The following RANBP2 variants were observed in gnomAD, a reference collection of about 807,000 sequenced individuals.
RANBP2 encodes RAN binding protein 2, also known as E3 SUMO-protein ligase RanBP2.
In RANBP2, 57 loss-of-function variants were observed where a neutral mutation model predicts 303.6. The observed-to-expected ratio is 0.19, with a 90% CI of 0.15 to 0.23. RANBP2 has a LOEUF of 0.23. Among genes scored for constraint, RANBP2 ranks in the 10% least tolerant of loss-of-function variants. The pLI is 1.00. For synonymous variants in RANBP2, 1,167 were observed against 1,301.5 expected (o/e 0.90, Z 2.23); for missense variants, 3,138 against 3,780.8 (o/e 0.83, Z 4.46).
chr2:109,630,737 A>G, the RANBP2 span, among the ~76,000 whole-genome samples: 1 of 152,186 alleles, frequency 6.6e-6, no homozygotes, highest in South Asian at 2.1e-4. Context: ...TTGTGGAGGT[A>G]ATGTTGAGGG....
chr2:109,012,548 T>C, the RANBP2 span, among the ~76,000 whole-genome samples: 24 of 152,272 alleles, frequency 1.6e-4, no homozygotes, highest in South Asian at 3.1e-3. Context: ...AGAATGACAA[T>C]GAAGCCCAAG....
At chr2:109,434,084 C>T in the RANBP2 span, among the ~76,000 whole-genome samples, 1 of 152,240 alleles carries the variant, frequency 6.6e-6, no homozygotes, top group Non-Finnish European at 1.5e-5. Flanking sequence ...CTTGAAGCCC[C>T]TGGCCTGGAG....
At chr2:109,501,457 A>T in the RANBP2 span, 2 of 747,292 alleles carry the variant, frequency 2.7e-6, no homozygotes, top group South Asian at 1.4e-5. Context: ...GACCCAGCAG[A>T]TGGAGATTGT....
chr2:109,590,050 GTGTGTGTATA>G, the RANBP2 span, among the ~76,000 whole-genome samples: 4 of 143,952 alleles, frequency 2.8e-5, no homozygotes, highest in South Asian at 9.5e-4. Context: ...ACATATATAT[GTGTGTGTATA>G]TATATACACA....
the RANBP2 span, chr2:109,615,005 C>A: frequency 6.5e-7 from 1 of 1,544,484 alleles, no homozygotes; most frequent in Non-Finnish European, 8.7e-7. Context: ...CCCCGGGGCC[C>A]AGCGAGGACC....
chr2:109,719,911 C>T, the RANBP2 span, among the ~76,000 whole-genome samples: 1 of 151,994 alleles, frequency 6.6e-6, no homozygotes, highest in East Asian at 1.9e-4. Context: ...CTTCCTTGAC[C>T]AACATTTATG....
the RANBP2 span, among the ~76,000 whole-genome samples, chr2:108,811,100 C>CT: frequency 0.024 from 3,575 of 149,412 alleles, 90 homozygotes; most frequent in South Asian, 0.088. Flanking sequence ...TTTTTCTTTT[C>CT]TTTTTTTTTT....
the RANBP2 span, chr2:108,923,373 T>C: frequency 1.2e-6 from 2 of 1,614,084 alleles, no homozygotes; most frequent in Non-Finnish European, 1.7e-6. Flanking sequence ...CTCACATTCC[T>C]TGGTGTTGGG....
the RANBP2 span, among the ~76,000 whole-genome samples, chr2:109,348,326 A>T: frequency 1.3e-5 from 2 of 152,154 alleles, no homozygotes; most frequent in Admixed American, 1.3e-4. Flanking sequence ...GTCCTGTGAG[A>T]GGGGCTCATC....
chr2:108,827,808 TATGTCTAAAAAAAA>T, the RANBP2 span, among the ~76,000 whole-genome samples: 16 of 116,026 alleles, frequency 1.4e-4, no homozygotes, highest in African/African-American at 5.0e-4. Context: ...AGAGAGAGAA[TATGTCTAAAAAAAA>T]AAAAAAAAAA....
the RANBP2 span, among the ~76,000 whole-genome samples, chr2:109,724,489 T>A: frequency 6.6e-6 from 1 of 152,140 alleles, no homozygotes; most frequent in Non-Finnish European, 1.5e-5. Context: ...TCAATCCTTC[T>A]CTTATTGGAC....
the RANBP2 span, among the ~76,000 whole-genome samples, chr2:109,473,821 C>T: frequency 2.0e-5 from 3 of 151,562 alleles, no homozygotes; most frequent in Non-Finnish European, 4.4e-5. Context: ...GCACCTTAGC[C>T]GCAGGCTGTC....
At chr2:108,755,321 C>A in intron 17 of RANBP2, 62 bp downstream of exon 17, 1 of 1,609,218 alleles carries the variant, frequency 6.2e-7, no homozygotes, top group East Asian at 2.2e-5. Flanking sequence ...TGGCCACTCT[C>A]TCACTTTTTT....
chr2:109,314,621 A>G, the RANBP2 span, among the ~76,000 whole-genome samples: 7 of 152,250 alleles, frequency 4.6e-5, no homozygotes, highest in Admixed American at 2.6e-4. Context: ...GTCACTCTCC[A>G]TGGTCTTTAA....
At chr2:109,081,839 C>A in the RANBP2 span, among the ~76,000 whole-genome samples, 4 of 152,246 alleles carry the variant, frequency 2.6e-5, no homozygotes, top group African/African-American at 9.6e-5. Flanking sequence ...CCTTGCTATT[C>A]AGTTGCACTT....
At chr2:108,838,406 A>G in the RANBP2 span, among the ~76,000 whole-genome samples, 1 of 152,136 alleles carries the variant, frequency 6.6e-6, no homozygotes, top group Non-Finnish European at 1.5e-5. Flanking sequence ...TGACATAACC[A>G]TTTTCCTGAT....
At chr2:109,433,214 T>C in the RANBP2 span, among the ~76,000 whole-genome samples, 106 of 152,378 alleles carry the variant, frequency 7.0e-4, no homozygotes, top group African/African-American at 2.3e-3. Flanking sequence ...GCAGTGTGTG[T>C]CATCATATAT....
At chr2:109,174,817 G>A in the RANBP2 span, among the ~76,000 whole-genome samples, 3 of 152,210 alleles carry the variant, frequency 2.0e-5, no homozygotes, top group Non-Finnish European at 2.9e-5. Flanking sequence ...GGGGCTTAGC[G>A]TGCAAGCTTC....
the RANBP2 span, chr2:109,552,897 A>C: frequency 3.4e-5 from 21 of 621,424 alleles, no homozygotes; most frequent in Non-Finnish European, 4.8e-5. Flanking sequence ...AAAAAAAAGA[A>C]GGCCAAAGTT....
Sources: gnomAD v4.1 joint callset for allele counts (sites outside exome capture counted in the v4.1 genomes callset) on GRCh38, gnomAD v4.1.1 for gene constraint, MANE v1.5 for transcripts, NCBI Gene and HGNC (gene_info 2026-07-23, HGNC 2026-07-21) for gene names.